Variants in LRIF1 observed in about 807,000 individuals in gnomAD.
LRIF1 encodes ligand dependent nuclear receptor interacting factor 1, also known as ligand-dependent nuclear receptor-interacting factor 1.
LRIF1 carries 32 observed loss-of-function variants against 52.7 expected under a neutral mutation model. That is an observed-to-expected ratio of 0.61 (90% CI 0.46 to 0.82). LRIF1 has a LOEUF of 0.82. Ranked by LOEUF, LRIF1 falls within the 40% of genes least tolerant of loss-of-function variation. The pLI is 0.00. For synonymous variants in LRIF1, 323 were observed against 317.4 expected (o/e 1.02, Z -0.19); for missense variants, 887 against 892.0 (o/e 0.99, Z 0.07).
chr1:110,883,732 G>C, the LRIF1 span, among the ~76,000 whole-genome samples: 1 of 151,920 alleles, frequency 6.6e-6, no homozygotes, highest in South Asian at 2.1e-4. Context: ...ATTAGAGATA[G>C]GATTATTCAG....
At chr1:110,881,170 G>A in the LRIF1 span, among the ~76,000 whole-genome samples, 1 of 152,086 alleles carries the variant, frequency 6.6e-6, no homozygotes, top group Non-Finnish European at 1.5e-5. Flanking sequence ...AACACTGAGC[G>A]TATGCATCAC....
chr1:110,951,599 G>A lies in LRIF1; in HGVS notation c.1285C>T (p.Leu429Phe), dbSNP rs144082720. The A allele has an allele frequency of 1.2e-6, 2 of 1,614,116 alleles. No homozygotes were observed. The highest frequency in any genetic ancestry group is 2.7e-5 in the African/African-American group (2 of 75,062). Residue 429 changes from leucine to phenylalanine, a missense_variant, in exon 2 of 4, where the codon CTT (leucine) becomes TTT (phenylalanine). Transcript: ENST00000369763. ...SKSSQMETKSLSNTQLASMAN... is the reference protein window; with the variant it reads ...SKSSQMETKSFSNTQLASMAN... ...ATGGAAGCAAGCTGGGTATTGGAAAGTGATTTTGTCTCCATCTGGGAAGAT... is the reference window on the plus strand; with the variant it reads ...ATGGAAGCAAGCTGGGTATTGGAAAATGATTTTGTCTCCATCTGGGAAGAT...
the LRIF1 span, among the ~76,000 whole-genome samples, chr1:110,932,647 G>T: frequency 3.9e-5 from 6 of 151,990 alleles, no homozygotes; most frequent in Non-Finnish European, 7.4e-5. Context: ...TGCTTATCTT[G>T]ATCATTTTTG....
chr1:110,927,509 G>A, the LRIF1 span, among the ~76,000 whole-genome samples: 1 of 152,170 alleles, frequency 6.6e-6, no homozygotes, highest in Non-Finnish European at 1.5e-5. Context: ...GTATGGGTGG[G>A]CTCCAGTAGC....
chr1:110,921,910 A>G, the LRIF1 span, among the ~76,000 whole-genome samples: 1 of 152,190 alleles, frequency 6.6e-6, no homozygotes, highest in East Asian at 1.9e-4. Context: ...TGTACAGATT[A>G]TGCCATCACC....
At chr1:110,911,867 G>C in the LRIF1 span, among the ~76,000 whole-genome samples, 1 of 152,184 alleles carries the variant, frequency 6.6e-6, no homozygotes, top group Non-Finnish European at 1.5e-5. Flanking sequence ...AAAATATTAA[G>C]AGCTATCTAT....
chr1:110,886,618 G>T, the LRIF1 span, among the ~76,000 whole-genome samples: 1 of 151,904 alleles, frequency 6.6e-6, no homozygotes, highest in Non-Finnish European at 1.5e-5. Flanking sequence ...GGAGGCCGAG[G>T]TGGGTGGGTC....
rs1658504583 is a variant in LRIF1 at position 110,952,099 on chromosome 1, A to C, written c.785T>G (p.Ile262Arg). The change falls in exon 2 of 4, where the codon ATA becomes AGA. Residue 262 changes from isoleucine (I) to arginine (R), a missense_variant. Ile to Arg is a moderately conservative substitution (Grantham distance 97). Coordinates refer to ENST00000369763, the MANE Select transcript of LRIF1 (RefSeq NM_018372.4). Reference protein sequence around the residue: ...KPVTEIAKPVILNTTQIPKNV... With the variant: ...KPVTEIAKPVRLNTTQIPKNV... ...CTTTGGAATTTGTGTGGTATTTAGT[A>C]TTACTGGCTTTGCTATTTCTGTAAC... The C allele has an allele frequency of 2.5e-6, 4 of 1,614,060 alleles. No homozygotes were observed.
At chr1:110,936,192 T>C in the LRIF1 span, among the ~76,000 whole-genome samples, 2 of 152,008 alleles carry the variant, frequency 1.3e-5, no homozygotes, top group East Asian at 3.9e-4. Context: ...TCTACAACAA[T>C]GCTAAAGGGA....
intron 1 of LRIF1, among the ~76,000 whole-genome samples, chr1:110,960,569 A>T (rs1313200054): frequency 2.6e-5 from 4 of 152,096 alleles, no homozygotes. Context: ...TCATTATAGT[A>T]CCTCTAAGGT....
chr1:110,953,247 G>T (rs552771004), intron 1 of LRIF1, among the ~76,000 whole-genome samples: 32 of 151,404 alleles, frequency 2.1e-4, no homozygotes, highest in Non-Finnish European at 3.5e-4. Flanking sequence ...CCCTCAATCT[G>T]TTCTGTCTTC....
chr1:110,945,973 G>A (rs1658195817), downstream of LRIF1, among the ~76,000 whole-genome samples: 1 of 152,136 alleles, frequency 6.6e-6, no homozygotes, highest in South Asian at 2.1e-4. Flanking sequence ...GTTATTGTAT[G>A]ACCCAGCAAT....
chr1:110,894,396 CAGA>C, the LRIF1 span: 7 of 1,612,264 alleles, frequency 4.3e-6, no homozygotes, highest in Non-Finnish European at 5.9e-6. Context: ...TGTATATGAA[CAGA>C]AGGTAAGTTA....
chr1:110,955,365 C>CA (rs1380717657), intron 1 of LRIF1, among the ~76,000 whole-genome samples: 1 of 152,210 alleles, frequency 6.6e-6, no homozygotes, highest in African/African-American at 2.4e-5. Flanking sequence ...TAGAATACTA[C>CA]AATAGCTTCA....
the LRIF1 span, among the ~76,000 whole-genome samples, chr1:110,918,625 A>C: frequency 3.3e-5 from 5 of 152,204 alleles, no homozygotes; most frequent in Non-Finnish European, 7.4e-5. Flanking sequence ...AAGAATGGAC[A>C]ACTTGAAGAG....
chr1:110,905,171 T>G, the LRIF1 span, among the ~76,000 whole-genome samples: 1 of 152,152 alleles, frequency 6.6e-6, no homozygotes, highest in South Asian at 2.1e-4. Flanking sequence ...TTAAGAGTTA[T>G]TGGCCTTAAA....
At chr1:110,921,400 T>C in the LRIF1 span, among the ~76,000 whole-genome samples, 1 of 151,886 alleles carries the variant, frequency 6.6e-6, no homozygotes, top group African/African-American at 2.4e-5. Flanking sequence ...AAAAATAAAA[T>C]GGAAATGTGA....
chr1:110,897,855 A>C, the LRIF1 span: 1 of 1,612,464 alleles, frequency 6.2e-7, no homozygotes, highest in Non-Finnish European at 8.5e-7. Flanking sequence ...AATTTCCTGT[A>C]TATCGGAATC....
intron 2 of LRIF1, 87 bp downstream of exon 2, chr1:110,951,201 G>A: frequency 9.2e-7 from 1 of 1,086,528 alleles, no homozygotes; most frequent in Non-Finnish European, 1.3e-6. Context: ...GTGGGGGAAA[G>A]AGGTATCATA....
Sources: allele counts gnomAD v4.1 joint callset (sites outside exome capture counted in the v4.1 genomes callset), GRCh38; gene constraint gnomAD v4.1.1; transcripts MANE v1.5; gene names NCBI Gene and HGNC (gene_info 2026-07-23, HGNC 2026-07-21).